Variants in SFPQ observed in about 807,000 individuals in gnomAD.
The protein encoded by SFPQ is splicing factor, proline- and glutamine-rich.
In SFPQ, 11 loss-of-function variants were observed where a neutral mutation model predicts 72.9. The observed-to-expected ratio is 0.15, with a 90% CI of 0.09 to 0.25. The LOEUF is 0.25. Among genes scored for constraint, SFPQ ranks in the 10% least tolerant of loss-of-function variants. The pLI is 1.00. For missense variants in SFPQ, 847 were observed against 993.3 expected, an observed-to-expected ratio of 0.85 and a Z score of 1.98; for synonymous variants, 506 against 367.3, an observed-to-expected ratio of 1.38 and a Z score of -4.32.
chr1:35,180,845 T>C (rs1639438361), downstream of SFPQ: 2 of 985,248 alleles, frequency 2.0e-6, no homozygotes, highest in South Asian at 9.4e-5. Flanking sequence ...CACTGATGTG[T>C]TCCATGTTAT....
rs1311914025 is a variant in SFPQ, at chr1:35,184,528, C to T, written c.2052G>A (p.Gly684=). ...TACCATATCCTGCTGGAGTTCCAGG[C>T]CCCATTCCTCTAGGACCCTGTCCAC... ...PVGGQGPRGM[G]PGTPAGYGRG... is the part of the protein sequence containing the mutation. Residue 684 remains glycine, a synonymous_variant, in exon 10 of 10, where the codon GGG becomes GGA. Transcript: ENST00000357214. 8.1e-6 allele frequency: 13 copies of T among 1,613,376 alleles called. 1 individual carries two copies. In the South Asian group the frequency reaches 9.9e-5, roughly 12 times the overall value.
At position 35,184,134 on chromosome 1, in the gene SFPQ, CTATT is replaced by C. The variant is rs1639598048; in HGVS notation, c.*318_*321del. The C allele has an allele frequency of 1.8e-6, 2 of 1,136,736 alleles. No individual in the cohort carries two copies. The highest frequency in any genetic ancestry group is 7.3e-4 in the Middle Eastern group (2 of 2,756). 70.4% of individuals were successfully genotyped at this position (1,136,736 alleles called of 1,614,324 possible). A position where few individuals can be genotyped will look rare whatever the true frequency, so the allele number is the denominator to read the frequency against. Reference sequence around the variant, plus strand: ...GAAGATCAATATTATAACTATTTTTCTATTTATTTGAAGCACAGTAAAAAAAAAA... The same window carrying C: ...GAAGATCAATATTATAACTATTTTTCTATTTGAAGCACAGTAAAAAAAAAA... On this transcript the variant is annotated 3_prime_UTR_variant, in exon 10 of 10. Transcript: ENST00000357214.
rs529592254 is a variant in SFPQ, at chr1:35,187,215, T to C, written c.1852A>G (p.Met618Val). 2.5e-6 allele frequency: 4 copies of C among 1,614,188 alleles called. No homozygotes were observed. The highest frequency in any genetic ancestry group is 1.3e-5 in the African/African-American group (1 of 75,038). Reference sequence around the variant, plus strand: ...ATTTCACACTTACCTCCCATGTTCATTGCTCCTCCGCCACCCATTCGCATG... The same window carrying C: ...ATTTCACACTTACCTCCCATGTTCACTGCTCCTCCGCCACCCATTCGCATG... ...RDMRMGGGGA[M>V]NMGDPYGSGG... The change falls in exon 8 of 10, where the codon ATG (methionine) becomes GTG (valine). Residue 618 changes from methionine (M) to valine (V), a missense_variant. Met to Val is a conservative substitution (Grantham distance 21, BLOSUM62 1). This residue lies in a region of SFPQ where 154 missense variants were observed against 186.0 expected (regional missense o/e 0.83). Transcript: ENST00000357214.
At position 35,192,761 on chromosome 1, in the gene SFPQ, G is replaced by C; in HGVS notation, c.289C>G (p.Gln97Glu). The C allele has an allele frequency of 2.0e-6, 3 of 1,499,088 alleles. No individual in the cohort carries two copies. Among genetic ancestry groups the C allele is most frequent in the Non-Finnish European group, 2.7e-6 (3 of 1,129,936 alleles). The allele number at this position is 1,499,088 out of a possible 1,614,324, so 92.9% of individuals were successfully genotyped here. ...TCCTGCGGCGGTGGCGGCGGCTGCTGCTGCTGATGCGGCTGTGGATGCGGC... is the reference window on the plus strand; with the variant it reads ...TCCTGCGGCGGTGGCGGCGGCTGCTCCTGCTGATGCGGCTGTGGATGCGGC... ...PPPHPQPHQQQQPPPPPQDSS... is the reference protein window; with the variant it reads ...PPPHPQPHQQEQPPPPPQDSS... The change falls in exon 1 of 10, where the codon CAG becomes GAG. Residue 97 changes from glutamine (Q) to glutamate (E), a missense_variant. By Grantham distance (29) the Gln-to-Glu change is conservative (BLOSUM62 2). Around this residue, in one of 6 missense-constraint regions of SFPQ, gnomAD observed 498 missense variants for 405.1 expected, o/e 1.23. Coordinates refer to ENST00000357214, the MANE Select transcript of SFPQ (RefSeq NM_005066.3).
chr1:35,178,309 G>GT (rs1639330692), downstream of SFPQ: 2 of 1,088,648 alleles, frequency 1.8e-6, no homozygotes, highest in South Asian at 7.1e-5. Context: ...CTGAGCACAA[G>GT]TTTGACTGCA....
chr1:35,182,836 C>T (rs1639526070), downstream of SFPQ: 1 of 1,048,764 alleles, frequency 9.5e-7, no homozygotes, highest in African/African-American at 1.7e-5. Flanking sequence ...TCCCATTATA[C>T]TAACAGGCAA....
rs777115964 is a variant in SFPQ, at chr1:35,192,640, G to T, written c.410C>A (p.Pro137Gln). 5.4e-5 allele frequency: 74 copies of T among 1,381,352 alleles called. No homozygotes were observed. Among genetic ancestry groups the T allele is most frequent in the Non-Finnish European group, 6.8e-5 (73 of 1,077,274 alleles). The allele number at this position is 1,381,352 out of a possible 1,614,324, so 85.6% of individuals were successfully genotyped here. ...ASSSAPPATPPTSGAPPGSGP... is the reference protein window; with the variant it reads ...ASSSAPPATPQTSGAPPGSGP... ...GGACCCTGGCGGGGCCCCCGAGGTT[G>T]GTGGAGTGGCGGGCGGGGCCGAGCT... The change falls in exon 1 of 10, where the codon CCA becomes CAA. Residue 137 changes from proline to glutamine, a missense_variant. Pro to Gln is a moderately conservative substitution (Grantham distance 76). Around this residue, in one of 6 missense-constraint regions of SFPQ, gnomAD observed 498 missense variants for 405.1 expected, o/e 1.23. Coordinates refer to ENST00000357214, the MANE Select transcript of SFPQ (RefSeq NM_005066.3).
intron 4 of SFPQ, among the ~76,000 whole-genome samples, chr1:35,190,015 C>CT (rs1439506855): frequency 6.6e-6 from 1 of 152,048 alleles, no homozygotes; most frequent in Non-Finnish European, 1.5e-5. Flanking sequence ...TATCCCAGCA[C>CT]TTTGAGAGGC....
chr1:35,179,689 G>A (rs776104309), downstream of SFPQ: 98 of 1,056,834 alleles, frequency 9.3e-5, no homozygotes, highest in Middle Eastern at 1.3e-3. Flanking sequence ...CTAATCATCT[G>A]AAAGTGAACA....
chr1:35,176,853 GAC>G (rs1557774270), intron 5 of SFPQ, among the ~76,000 whole-genome samples: 1 of 143,652 alleles, frequency 7.0e-6, no homozygotes. Context: ...CAGCCTGGGC[GAC>G]AGAGCAAGAC....
exon 6 of SFPQ, chr1:35,176,435 C>G (rs1266003121): frequency 2.0e-5 from 3 of 152,080 alleles, no homozygotes; most frequent in Non-Finnish European, 4.4e-5. Flanking sequence ...TCCTTCCACT[C>G]CTTCTCGTTG....
At chr1:35,185,852 A>C (rs989959815) in intron 9 of SFPQ, among the ~76,000 whole-genome samples, 1 of 152,226 alleles carries the variant, frequency 6.6e-6, no homozygotes, top group Non-Finnish European at 1.5e-5. Flanking sequence ...TGTTAATTAC[A>C]CCAGCTGAGA....
downstream of SFPQ, chr1:35,181,517 CAA>C: frequency 9.4e-7 from 1 of 1,063,006 alleles, no homozygotes; most frequent in Non-Finnish European, 1.1e-6. Flanking sequence ...ATGTTCTAAG[CAA>C]AGAGGATTAT....
At chr1:35,192,171 G>A (rs1570142066) in intron 1 of SFPQ, 51 bp downstream of exon 1, 11 of 1,306,274 alleles carry the variant, frequency 8.4e-6, no homozygotes, top group East Asian at 3.2e-5. Context: ...GGCGAGGAGG[G>A]GGCCGCCGCC....
chr1:35,180,686 G>GAT (rs1048086285), downstream of SFPQ: 5 of 1,055,956 alleles, frequency 4.7e-6, no homozygotes, highest in African/African-American at 8.3e-5. Flanking sequence ...GAATTACCAA[G>GAT]ATTGCATAAT....
rs1390196006 is a variant in SFPQ at position 35,192,558 on chromosome 1, C to T, written c.492G>A (p.Ala164=). ...CGCTGCTTGGCGGGGTGGGTGGCGG[C>T]GCCCCGGGAGGGGCCGAGGTGACTG... ...PPAVTSAPPG[A]PPPTPPSSGV... The change falls in exon 1 of 10, where the codon GCG becomes GCA. Residue 164 remains alanine (A), a synonymous_variant. Transcript: ENST00000357214. 3.0e-6 allele frequency: 4 copies of T among 1,325,942 alleles called. No homozygotes were observed. The highest frequency in any genetic ancestry group is 3.8e-6 in the Non-Finnish European group (4 of 1,044,012). 82.1% of individuals were successfully genotyped at this position (1,325,942 alleles called of 1,614,324 possible).
Position 35,191,325 on chromosome 1 carries a change from A to G in SFPQ, c.1017+16T>C. 7 of 1,607,584 alleles carry G rather than the reference A, an allele frequency of 4.4e-6. No individual in the cohort carries two copies. The highest frequency in any genetic ancestry group is 6.0e-6 in the Non-Finnish European group (7 of 1,176,072). ...ACCCTTTTTAATTCTACGTAAAATCAAACAATTACACTCACAAGCTTAATA... is the reference window on the plus strand; with the variant it reads ...ACCCTTTTTAATTCTACGTAAAATCGAACAATTACACTCACAAGCTTAATA... On this transcript the variant is annotated intron_variant, in intron 2 of 9. Coordinates refer to ENST00000357214, the MANE Select transcript of SFPQ (RefSeq NM_005066.3).
At chr1:35,188,788 T>C (rs961130674) in intron 6 of SFPQ, among the ~76,000 whole-genome samples, 2 of 152,138 alleles carry the variant, frequency 1.3e-5, no homozygotes, top group Admixed American at 6.5e-5. Flanking sequence ...GAAACCCCGT[T>C]ATCTACTACA....
At chr1:35,178,864 G>T, downstream of SFPQ, 1 of 1,042,866 alleles carries the variant, frequency 9.6e-7, no homozygotes, top group Non-Finnish European at 1.2e-6. Flanking sequence ...CCTATCTTAA[G>T]TCCAAGCCCT....
Sources: allele counts gnomAD v4.1 joint callset (sites outside exome capture counted in the v4.1 genomes callset), GRCh38; gene constraint gnomAD v4.1.1; regional missense constraint gnomAD v4.1.1; transcripts MANE v1.5; gene names NCBI Gene and HGNC (gene_info 2026-07-23, HGNC 2026-07-21).